The following UACA variants were observed in gnomAD, a reference collection of about 807,000 sequenced individuals.
UACA encodes the protein uveal autoantigen with coiled-coil domains and ankyrin repeats, also known as nuclear membrane binding protein.
In UACA, 112 loss-of-function variants were observed where a neutral mutation model predicts 160.5. The ratio of observed to expected loss-of-function variants is 0.70; its 90% CI spans 0.60 to 0.82. The LOEUF (loss-of-function observed/expected upper bound fraction) is 0.82. Among genes scored for constraint, UACA ranks in the 40% least tolerant of loss-of-function variants. UACA has a pLI of 0.00. For synonymous variants in UACA, 557 were observed against 568.4 expected, an observed-to-expected ratio of 0.98 and a Z score of 0.29; for missense variants, 1,574 against 1,614.6, an observed-to-expected ratio of 0.97 and a Z score of 0.43.
intron 1 of UACA, among the ~76,000 whole-genome samples, chr15:70,711,503 A>T (rs1898681011): frequency 6.6e-6 from 1 of 151,982 alleles, no homozygotes; most frequent in African/African-American, 2.4e-5. Context: ...CTACTAAAAA[A>T]AAAAAAAAAA....
In UACA at chr15:70,660,271, T is replaced by A. The variant is rs1896659814; in HGVS notation, c.4114-55A>T. The A allele has an allele frequency of 7.5e-6, 11 of 1,458,134 alleles. No homozygotes were observed. In the South Asian group the frequency reaches 1.2e-4, roughly 15 times the overall value. 90.3% of individuals were successfully genotyped at this position (1,458,134 alleles called of 1,614,324 possible). A position where few individuals can be genotyped will look rare whatever the true frequency, so the allele number is the denominator to read the frequency against. ...ACTATCAGCGTTCACATTTCCAAAC[T>A]TTGGACAATGCTCAGGCTTCATGCT... On this transcript the variant is annotated intron_variant, in intron 17 of 18. Transcript: ENST00000322954.
intron 7 of UACA, among the ~76,000 whole-genome samples, 199 bp from the exon 8 acceptor site, chr15:70,684,645 T>C (rs1157206073): frequency 6.6e-6 from 1 of 151,778 alleles, no homozygotes; most frequent in East Asian, 1.9e-4. Context: ...ACCAATACTG[T>C]TTATCAGTAA....
chr15:70,690,398 T>C, intron 5 of UACA, 56 bp downstream of exon 5: 1 of 1,492,594 alleles, frequency 6.7e-7, no homozygotes, highest in Non-Finnish European at 9.3e-7. Context: ...CTGAAATTAA[T>C]TCAAATGACT....
At chr15:70,745,043 G>A (rs1899658721) in intron 1 of UACA, among the ~76,000 whole-genome samples, 1 of 152,078 alleles carries the variant, frequency 6.6e-6, no homozygotes, top group African/African-American at 2.4e-5. Context: ...ATTTACTGGG[G>A]AAAAATATGT....
chr15:70,763,579 C>G (rs1039235433), upstream of UACA: 3 of 1,218,004 alleles, frequency 2.5e-6, no homozygotes, highest in African/African-American at 1.6e-5. Context: ...CGGGGCTCCC[C>G]TCCCGTAGCC....
chr15:70,763,740 A>T (rs2030923251), upstream of UACA: 1 of 280,662 alleles, frequency 3.6e-6, no homozygotes, highest in Non-Finnish European at 6.3e-6. Context: ...GGGGCGGAGG[A>T]GGTGGGCGGC....
rs898054161 is a variant in UACA at position 70,655,415 on chromosome 15, A to G, written c.*1641T>C. 1 of 152,064 alleles carries G rather than the reference A, an allele frequency of 6.6e-6. No homozygotes were observed. Among genetic ancestry groups the G allele is most frequent in the Non-Finnish European group, 1.5e-5 (1 of 68,038 alleles). The allele number at this position is 152,064 out of a possible 1,614,324, so 9.4% of individuals were successfully genotyped here. On this transcript the variant is annotated 3_prime_UTR_variant, in exon 19 of 19. Coordinates refer to ENST00000322954, the MANE Select transcript of UACA (RefSeq NM_018003.4). ...GCTAATTTTTGTATTTTTAGTAGAG[A>G]TGGGGCTTCACCATATTGGTAAGGC...
intron 6 of UACA, 32 bp downstream of exon 6, chr15:70,687,718 G>A: frequency 6.2e-7 from 1 of 1,613,078 alleles, no homozygotes; most frequent in Non-Finnish European, 8.5e-7. Context: ...GAATGCATGA[G>A]TTGAAATGAG....
Position 70,668,611 on chromosome 15 carries a change from C to T in UACA, c.2073G>A (p.Lys691=). Reference sequence around the variant, plus strand: ...CTCCTGATTTCTGTTCTAATCTGCTCTTAACCTGTTCATGTTCCTCTGGTT... The same window carrying T: ...CTCCTGATTTCTGTTCTAATCTGCTTTTAACCTGTTCATGTTCCTCTGGTT... ...HVKPEEHEQV[K]SRLEQKSGEL... Residue 691 remains lysine (K), a synonymous_variant, in exon 16 of 19, where the codon AAG becomes AAA. Transcript: ENST00000322954. 2 of 1,613,898 alleles carry T rather than the reference C, an allele frequency of 1.2e-6. No homozygotes were observed. The highest frequency in any genetic ancestry group is 1.7e-6 in the Non-Finnish European group (2 of 1,179,988).
chr15:70,725,574 T>C (rs1899119783), intron 1 of UACA, among the ~76,000 whole-genome samples: 1 of 152,250 alleles, frequency 6.6e-6, no homozygotes, highest in Non-Finnish European at 1.5e-5. Context: ...CTTTCAACTT[T>C]CACAGTGTCC....
At chr15:70,659,534 T>C (rs915043673) in intron 18 of UACA, among the ~76,000 whole-genome samples, 19 of 151,100 alleles carry the variant, frequency 1.3e-4, no homozygotes, top group African/African-American at 4.6e-4. Context: ...AAAAAATCTA[T>C]TCTGAGAATT....
chr15:70,707,945 C>T (rs926330511), intron 1 of UACA, among the ~76,000 whole-genome samples: 1 of 152,174 alleles, frequency 6.6e-6, no homozygotes, highest in Non-Finnish European at 1.5e-5. Flanking sequence ...GAGTTGAAAG[C>T]AGGGTCTCCT....
chr15:70,745,374 G>A (rs1390841651), intron 1 of UACA, among the ~76,000 whole-genome samples: 28 of 151,418 alleles, frequency 1.8e-4, no homozygotes, highest in Non-Finnish European at 1.0e-4. Context: ...GGCGGAGCTT[G>A]CAGTGAGCCG....
chr15:70,707,568 T>TCAA (rs953230208), intron 1 of UACA, among the ~76,000 whole-genome samples: 19 of 151,858 alleles, frequency 1.3e-4, no homozygotes, highest in African/African-American at 3.9e-4. Flanking sequence ...TTACTATGAC[T>TCAA]CAACAACAAC....
chr15:70,688,417 G>T (rs1408417797), intron 5 of UACA, among the ~76,000 whole-genome samples: 1 of 152,022 alleles, frequency 6.6e-6, no homozygotes, highest in African/African-American at 2.4e-5. Context: ...CAATCCCCAT[G>T]AATTTTTTAA....
intron 1 of UACA, among the ~76,000 whole-genome samples, chr15:70,727,976 A>G (rs1899196890): frequency 6.6e-6 from 1 of 152,154 alleles, no homozygotes; most frequent in Admixed American, 6.6e-5. Flanking sequence ...CCTGGTGCAT[A>G]ACACTAACCA....
chr15:70,747,266 A>G (rs555837202), intron 1 of UACA, among the ~76,000 whole-genome samples: 17 of 111,066 alleles, frequency 1.5e-4, no homozygotes, highest in African/African-American at 6.1e-4. Context: ...TTTTTTTTAG[A>G]TGGAGTCTTG....
the UACA span, among the ~76,000 whole-genome samples, chr15:70,774,439 G>T: frequency 6.6e-6 from 1 of 151,698 alleles, no homozygotes; most frequent in Admixed American, 6.6e-5. Context: ...CCAGCTACTC[G>T]GGAGGCTGAG....
In UACA at chr15:70,668,659, C is replaced by T. The variant is rs1897024927; in HGVS notation, c.2025G>A (p.Lys675=). 3 of 1,614,064 alleles carry T rather than the reference C, an allele frequency of 1.9e-6. No homozygotes were observed. The highest frequency in any genetic ancestry group is 1.6e-4 in the Middle Eastern group (1 of 6,062). Residue 675 remains lysine (K), a synonymous_variant, in exon 16 of 19, where the codon AAG becomes AAA. Transcript: ENST00000322954. Reference sequence around the variant, plus strand: ...GTTTGACGTGCTGAGCAAGCTTGGCCTTAACATTCTCAAGTTCTCTCTTTA... The same window carrying T: ...GTTTGACGTGCTGAGCAAGCTTGGCTTTAACATTCTCAAGTTCTCTCTTTA... ...RQLKRELENV[K]AKLAQHVKPE...
Sources: gnomAD v4.1 joint callset for allele counts (sites outside exome capture counted in the v4.1 genomes callset) on GRCh38, gnomAD v4.1.1 for gene constraint, MANE v1.5 for transcripts, NCBI Gene and HGNC (gene_info 2026-07-23, HGNC 2026-07-21) for gene names.